The following DENND1A variants were observed in gnomAD, a reference collection of about 807,000 sequenced individuals.
DENND1A encodes DENN domain-containing protein 1A.
Under a neutral mutation model 113.7 loss-of-function variants are expected in DENND1A, and 51 were observed. The observed-to-expected ratio is 0.45, with a 90% CI of 0.36 to 0.57. DENND1A has a LOEUF of 0.57. DENND1A is among the 20% of genes least tolerant of loss of function. The pLI is 0.00. For synonymous variants in DENND1A, 565 were observed against 570.8 expected, an observed-to-expected ratio of 0.99 and a Z score of 0.14; for missense variants, 1,258 against 1,395.9, an observed-to-expected ratio of 0.90 and a Z score of 1.57.
chr9:123,540,454 T>A (rs2056200640), intron 13 of DENND1A, among the ~76,000 whole-genome samples: 1 of 152,186 alleles, frequency 6.6e-6, no homozygotes, highest in Non-Finnish European at 1.5e-5. Context: ...GCAGCATTTT[T>A]AAAAATAGAA....
chr9:123,894,234 C>T (rs920259172), intron 1 of DENND1A, among the ~76,000 whole-genome samples: 7 of 152,296 alleles, frequency 4.6e-5, no homozygotes, highest in Admixed American at 2.6e-4. Flanking sequence ...TCATGATTCA[C>T]ATTAAAACTT....
intron 1 of DENND1A, among the ~76,000 whole-genome samples, chr9:123,902,649 T>A (rs1471514579): frequency 6.6e-6 from 1 of 151,962 alleles, no homozygotes; most frequent in Non-Finnish European, 1.5e-5. Flanking sequence ...AGCATCATCA[T>A]CTCTTGGAAG....
intron 1 of DENND1A, among the ~76,000 whole-genome samples, chr9:123,880,704 C>G (rs1848192797): frequency 6.6e-6 from 1 of 152,252 alleles, no homozygotes; most frequent in East Asian, 1.9e-4. Context: ...AATGAGCAAC[C>G]TCATGCAAAG....
At chr9:123,512,547 T>G (rs1312257078) in intron 13 of DENND1A, among the ~76,000 whole-genome samples, 1 of 152,170 alleles carries the variant, frequency 6.6e-6, no homozygotes, top group Non-Finnish European at 1.5e-5. Flanking sequence ...CGCGGCACTT[T>G]TCAGTGCTCC....
At chr9:123,632,187 C>T (rs1273690843) in intron 9 of DENND1A, among the ~76,000 whole-genome samples, 1 of 152,224 alleles carries the variant, frequency 6.6e-6, no homozygotes, top group Admixed American at 6.5e-5. Context: ...AGGGCTGCTA[C>T]TCCCCACCCC....
intron 2 of DENND1A, among the ~76,000 whole-genome samples, chr9:123,870,003 C>CAAAA (rs11430845): frequency 1.5e-4 from 12 of 78,540 alleles, no homozygotes; most frequent in East Asian, 4.4e-4. Flanking sequence ...GACCCTGTCT[C>CAAAA]AAAAAAAAAA....
At chr9:123,403,259 C>T (rs1006819103) in intron 21 of DENND1A, 143 bp downstream of exon 21, 6 of 763,474 alleles carry the variant, frequency 7.9e-6, no homozygotes, top group Non-Finnish European at 1.3e-5. Context: ...AGTCCTGTTC[C>T]CTGAATGACC....
intron 13 of DENND1A, among the ~76,000 whole-genome samples, chr9:123,526,149 A>G (rs2054821201): frequency 6.8e-6 from 1 of 147,358 alleles, no homozygotes; most frequent in Non-Finnish European, 1.5e-5. Context: ...ACATGCACAC[A>G]CATGCACACA....
intron 13 of DENND1A, among the ~76,000 whole-genome samples, chr9:123,497,515 G>T (rs1564602392): frequency 6.6e-6 from 1 of 152,090 alleles, no homozygotes; most frequent in Non-Finnish European, 1.5e-5. Context: ...TAGAGATGGG[G>T]TCTCACTATA....
intron 16 of DENND1A, among the ~76,000 whole-genome samples, chr9:123,453,542 C>A (rs530526712): frequency 8.6e-5 from 13 of 151,960 alleles, no homozygotes; most frequent in Admixed American, 7.2e-4. Context: ...GTGAAGGGCC[C>A]GGAATGCCAG....
intron 13 of DENND1A, among the ~76,000 whole-genome samples, chr9:123,518,218 G>A (rs1190364651): frequency 6.6e-6 from 1 of 152,024 alleles, no homozygotes; most frequent in Non-Finnish European, 1.5e-5. Context: ...TAATAGAAAG[G>A]GAGCCAAATA....
intron 2 of DENND1A, among the ~76,000 whole-genome samples, chr9:123,863,945 C>A: frequency 1.3e-5 from 2 of 149,302 alleles, no homozygotes; most frequent in South Asian, 2.1e-4. Context: ...GGACTGTTTC[C>A]ATGTCATTGA....
At chr9:123,595,014 G>C (rs1375196883) in intron 11 of DENND1A, among the ~76,000 whole-genome samples, 1 of 152,126 alleles carries the variant, frequency 6.6e-6, no homozygotes, top group African/African-American at 2.4e-5. Context: ...GGCCCCAAAG[G>C]TCACCAAGCT....
intron 1 of DENND1A, among the ~76,000 whole-genome samples, chr9:123,909,400 TAAAA>T (rs1853541485): frequency 6.8e-6 from 1 of 147,222 alleles, no homozygotes. Flanking sequence ...TAAAATAAAA[TAAAA>T]AATAAAAATA....
At chr9:123,923,102 G>C (rs925724586) in intron 1 of DENND1A, among the ~76,000 whole-genome samples, 2 of 152,144 alleles carry the variant, frequency 1.3e-5, no homozygotes, top group Admixed American at 1.3e-4. Context: ...CTGGACCTTT[G>C]CAACTGCAAC....
chr9:123,682,923 T>C (rs1371616502), intron 5 of DENND1A, among the ~76,000 whole-genome samples: 1 of 152,122 alleles, frequency 6.6e-6, no homozygotes, highest in Admixed American at 6.5e-5. Context: ...TCAACCAGAA[T>C]GGGCAGGAAA....
intron 8 of DENND1A, among the ~76,000 whole-genome samples, chr9:123,657,401 C>T (rs1233982670): frequency 8.7e-5 from 4 of 46,052 alleles, no homozygotes; most frequent in African/African-American, 2.6e-4. Flanking sequence ...GGGGTGGTGG[C>T]GATGGGGGGA....
intron 13 of DENND1A, among the ~76,000 whole-genome samples, chr9:123,545,519 T>A (rs1273517541): frequency 6.6e-6 from 1 of 151,604 alleles, no homozygotes; most frequent in East Asian, 1.9e-4. Context: ...CAGGCTGGAG[T>A]GCAGTGGCAC....
At chr9:123,462,111 C>T (rs1588649735) in intron 13 of DENND1A, 2 of 152,224 alleles carry the variant, frequency 1.3e-5, no homozygotes, top group African/African-American at 2.4e-5. Context: ...AAGGCAGTGA[C>T]GTTGTCACCC....
Sources: allele counts gnomAD v4.1 joint callset (sites outside exome capture counted in the v4.1 genomes callset), GRCh38; gene constraint gnomAD v4.1.1; transcripts MANE v1.5; gene names NCBI Gene and HGNC (gene_info 2026-07-23, HGNC 2026-07-21).